Variants in UBAP2 observed in about 807,000 individuals in gnomAD.
The protein encoded by UBAP2 is ubiquitin associated protein 2.
A neutral mutation model predicts 139.6 loss-of-function variants in UBAP2; 75 were observed. The ratio of observed to expected loss-of-function variants is 0.54; its 90% CI spans 0.45 to 0.65. The LOEUF (loss-of-function observed/expected upper bound fraction) is 0.65. Ranked by LOEUF, UBAP2 falls within the 30% of genes least tolerant of loss-of-function variation. The pLI is 0.00. For synonymous variants in UBAP2, 526 were observed against 526.2 expected (o/e 1.00, Z 0.01); for missense variants, 1,368 against 1,369.6 (o/e 1.00, Z 0.02).
intron 2 of UBAP2, among the ~76,000 whole-genome samples, chr9:34,009,719 A>T (rs997545104): frequency 1.3e-5 from 2 of 152,012 alleles, no homozygotes; most frequent in Admixed American, 1.3e-4. Context: ...CTCTGCTGGG[A>T]CTACTGGAGT....
At chr9:34,016,192 TAGAAGGAAG>T (rs1564063867) in intron 2 of UBAP2, among the ~76,000 whole-genome samples, 1 of 41,930 alleles carries the variant, frequency 2.4e-5, no homozygotes, top group African/African-American at 5.9e-5. Context: ...AGAGGAGGAA[TAGAAGGAAG>T]AGGAGGAATA....
At chr9:34,007,930 C>T (rs1291118199) in intron 2 of UBAP2, among the ~76,000 whole-genome samples, 5 of 152,090 alleles carry the variant, frequency 3.3e-5, no homozygotes, top group African/African-American at 7.2e-5. Context: ...CATAAGCCAC[C>T]GCACTGGCCT....
intron 2 of UBAP2, among the ~76,000 whole-genome samples, chr9:34,016,548 T>C (rs908918988): frequency 6.6e-6 from 1 of 151,726 alleles, no homozygotes; most frequent in Non-Finnish European, 1.5e-5. Flanking sequence ...TACTTTTTAT[T>C]TTTTATTTAT....
intron 1 of UBAP2, among the ~76,000 whole-genome samples, chr9:34,038,220 G>T (rs1826634453): frequency 6.6e-6 from 1 of 151,482 alleles, no homozygotes. Flanking sequence ...AGAGGCTGAG[G>T]TGGGAAGATC....
At position 33,923,788 on chromosome 9, in the gene UBAP2, T is replaced by TA; in HGVS notation, c.2796+6dup. The TA allele has an allele frequency of 1.2e-6, 2 of 1,613,828 alleles. No individual in the cohort carries two copies. The highest frequency in any genetic ancestry group is 1.7e-6 in the Non-Finnish European group (2 of 1,179,810). On this transcript the variant is annotated splice_region_variant and intron_variant, in intron 24 of 28. Coordinates refer to ENST00000379238, the MANE Select transcript of UBAP2 (RefSeq NM_001370062.2). Reference sequence around the variant, plus strand: ...GGAGACACAGTCACACCCTCTGAAATACTCACAAACATGGTGGGGCCATAC... The same window carrying TA: ...GGAGACACAGTCACACCCTCTGAAATAACTCACAAACATGGTGGGGCCATAC...
intron 4 of UBAP2, among the ~76,000 whole-genome samples, chr9:33,990,626 AGT>A (rs1821620592): frequency 7.6e-6 from 1 of 131,852 alleles, no homozygotes; most frequent in African/African-American, 2.8e-5. Context: ...ACTTAGAAAT[AGT>A]ACCCCCCAAT....
At chr9:33,926,751 G>T in intron 21 of UBAP2, 87 bp from the exon 22 acceptor site, 3 of 1,429,724 alleles carry the variant, frequency 2.1e-6, no homozygotes, top group South Asian at 1.1e-5. Context: ...AACAAGGTTG[G>T]GGGGCTCTAA....
chr9:33,956,622 C>T (rs143050750), intron 10 of UBAP2, among the ~76,000 whole-genome samples: 48 of 152,112 alleles, frequency 3.2e-4, no homozygotes, highest in African/African-American at 1.1e-3. Flanking sequence ...AGCCATGGCG[C>T]CCGGCTGCAA....
At chr9:33,976,844 G>GTA (rs35740464) in intron 6 of UBAP2, among the ~76,000 whole-genome samples, 30,392 of 149,230 alleles carry the variant, frequency 0.2, 3,281 homozygotes, top group African/African-American at 0.24. Context: ...TAAAAAAAAT[G>GTA]TATATATATA....
chr9:34,038,528 G>C (rs991246801), intron 1 of UBAP2, among the ~76,000 whole-genome samples: 1 of 152,218 alleles, frequency 6.6e-6, no homozygotes, highest in African/African-American at 2.4e-5. Flanking sequence ...CGAGTGATCT[G>C]CCAGCCTAGG....
At chr9:34,041,129 C>T (rs901946479) in intron 1 of UBAP2, among the ~76,000 whole-genome samples, 1 of 152,038 alleles carries the variant, frequency 6.6e-6, no homozygotes, top group African/African-American at 2.4e-5. Context: ...ACATATGGCA[C>T]ATCCTTACAA....
intron 2 of UBAP2, among the ~76,000 whole-genome samples, chr9:34,014,303 G>T (rs1438784168): frequency 1.7e-5 from 2 of 120,056 alleles, no homozygotes; most frequent in Non-Finnish European, 3.2e-5. Flanking sequence ...CTCTAGACTG[G>T]GCTACAGAGC....
intron 1 of UBAP2, among the ~76,000 whole-genome samples, chr9:34,027,044 T>G (rs1286791145): frequency 6.6e-6 from 1 of 152,228 alleles, no homozygotes; most frequent in Non-Finnish European, 1.5e-5. Context: ...CTGGTATATT[T>G]CTGTGACCAC....
At chr9:34,031,646 C>T (rs1052381117) in intron 1 of UBAP2, among the ~76,000 whole-genome samples, 2 of 151,966 alleles carry the variant, frequency 1.3e-5, no homozygotes, top group Admixed American at 1.3e-4. Flanking sequence ...GATTATCCTG[C>T]CTGAGCCTCC....
chr9:33,960,752 C>G, intron 10 of UBAP2, 74 bp downstream of exon 10: 5 of 1,480,116 alleles, frequency 3.4e-6, no homozygotes, highest in Non-Finnish European at 4.7e-6. Context: ...TGCATTCCAG[C>G]CTGGGCAACA....
At chr9:33,955,822 C>T (rs1564029496) in intron 11 of UBAP2, among the ~76,000 whole-genome samples, 1 of 145,380 alleles carries the variant, frequency 6.9e-6, no homozygotes, top group East Asian at 2.0e-4. Context: ...AGCAAAACTA[C>T]GTCTCAAAAT....
intron 6 of UBAP2, among the ~76,000 whole-genome samples, chr9:33,974,991 G>T (rs372577001): frequency 6.6e-6 from 1 of 152,014 alleles, no homozygotes. Context: ...TTTCTCCAAA[G>T]AAGATATACA....
intron 2 of UBAP2, among the ~76,000 whole-genome samples, chr9:34,005,955 G>C (rs1823171586): frequency 6.6e-6 from 1 of 152,072 alleles, no homozygotes; most frequent in Admixed American, 6.6e-5. Flanking sequence ...CTCTGGCCAG[G>C]CGTGGTGGCT....
At chr9:34,024,355 AAT>A (rs1825228072) in intron 1 of UBAP2, among the ~76,000 whole-genome samples, 1 of 152,112 alleles carries the variant, frequency 6.6e-6, no homozygotes, top group Non-Finnish European at 1.5e-5. Flanking sequence ...AAAAAAAAAA[AAT>A]AGCAAATACA....
Sources: gnomAD v4.1 joint callset for allele counts (sites outside exome capture counted in the v4.1 genomes callset) on GRCh38, gnomAD v4.1.1 for gene constraint, MANE v1.5 for transcripts, NCBI Gene and HGNC (gene_info 2026-07-23, HGNC 2026-07-21) for gene names.